Variants in CNTN3 observed in about 807,000 individuals in gnomAD.
CNTN3 encodes the protein contactin-3.
CNTN3 carries 60 observed loss-of-function variants against 119.1 expected under a neutral mutation model. The observed-to-expected ratio is 0.50, with a 90% CI of 0.41 to 0.62. The LOEUF is 0.62. Among genes scored for constraint, CNTN3 ranks in the 20% least tolerant of loss-of-function variants. The pLI, the probability that CNTN3 is intolerant of heterozygous loss-of-function variation, is 0.00. For synonymous variants in CNTN3, 450 were observed against 438.7 expected (o/e 1.03, Z -0.32); for missense variants, 1,101 against 1,242.4 (o/e 0.89, Z 1.71).
chr3:74,338,660 A>G (rs1703458459), intron 11 of CNTN3, among the ~76,000 whole-genome samples: 1 of 152,100 alleles, frequency 6.6e-6, no homozygotes, highest in Non-Finnish European at 1.5e-5. Flanking sequence ...TGAGAAAATC[A>G]TGGTGGAATT....
At chr3:74,394,940 T>C (rs1705008512) in intron 5 of CNTN3, among the ~76,000 whole-genome samples, 1 of 152,184 alleles carries the variant, frequency 6.6e-6, no homozygotes, top group Non-Finnish European at 1.5e-5. Flanking sequence ...TGTACATTAA[T>C]ATATGGAAAA....
intron 20 of CNTN3, among the ~76,000 whole-genome samples, chr3:74,280,945 A>G (rs531113938): frequency 6.6e-6 from 1 of 152,300 alleles, no homozygotes; most frequent in South Asian, 2.1e-4. Flanking sequence ...GTGATATCTG[A>G]GTGACAACGT....
chr3:74,589,804 G>T (rs1235121547), intron 1 of CNTN3, among the ~76,000 whole-genome samples: 1 of 151,724 alleles, frequency 6.6e-6, no homozygotes, highest in Non-Finnish European at 1.5e-5. Context: ...CATGTCCTTT[G>T]TAGGGACATG....
chr3:74,416,532 G>T (rs1701525136), intron 5 of CNTN3, among the ~76,000 whole-genome samples: 1 of 152,170 alleles, frequency 6.6e-6, no homozygotes, highest in Non-Finnish European at 1.5e-5. Context: ...GTGTATATGT[G>T]TGAGTGTGAT....
At chr3:74,445,965 C>T (rs370639110) in intron 4 of CNTN3, among the ~76,000 whole-genome samples, 22 of 152,234 alleles carry the variant, frequency 1.4e-4, no homozygotes, top group South Asian at 4.1e-4. Context: ...GGCACTTGTG[C>T]GGCACTTCAT....
chr3:74,472,553 A>T (rs918575114), intron 4 of CNTN3, among the ~76,000 whole-genome samples: 1 of 152,228 alleles, frequency 6.6e-6, no homozygotes, highest in Non-Finnish European at 1.5e-5. Context: ...AATATGTTTC[A>T]TTTATATGGA....
At chr3:74,455,207 T>C (rs1167531292) in intron 4 of CNTN3, among the ~76,000 whole-genome samples, 1 of 152,128 alleles carries the variant, frequency 6.6e-6, no homozygotes, top group South Asian at 2.1e-4. Context: ...TGTTCATTTC[T>C]ATTTTTTTTT....
chr3:74,441,391 C>T (rs1701963918), intron 4 of CNTN3, among the ~76,000 whole-genome samples: 1 of 152,080 alleles, frequency 6.6e-6, no homozygotes, highest in Non-Finnish European at 1.5e-5. Flanking sequence ...AGTAAACAAG[C>T]ATAAATCCAT....
intron 1 of CNTN3, among the ~76,000 whole-genome samples, chr3:74,611,016 G>T (rs1705070855): frequency 6.6e-6 from 1 of 152,072 alleles, no homozygotes; most frequent in African/African-American, 2.4e-5. Flanking sequence ...AAAGTCAAGG[G>T]ACTTAAAAAA....
At chr3:74,378,992 T>G (rs543907504) in intron 5 of CNTN3, among the ~76,000 whole-genome samples, 1 of 152,314 alleles carries the variant, frequency 6.6e-6, no homozygotes, top group African/African-American at 2.4e-5. Context: ...ATATGAGCTA[T>G]TTCTACTAGG....
At chr3:74,304,532 G>A (rs932990485) in intron 13 of CNTN3, among the ~76,000 whole-genome samples, 1 of 152,104 alleles carries the variant, frequency 6.6e-6, no homozygotes, top group Non-Finnish European at 1.5e-5. Flanking sequence ...TGCTTATTTT[G>A]AAGGCATCTG....
chr3:74,547,400 A>G (rs1425892811), intron 1 of CNTN3, among the ~76,000 whole-genome samples: 1 of 152,138 alleles, frequency 6.6e-6, no homozygotes. Context: ...TGACACCTTT[A>G]TTTATATGGG....
At chr3:74,319,212 A>G (rs1040254152) in intron 13 of CNTN3, among the ~76,000 whole-genome samples, 16 of 152,202 alleles carry the variant, frequency 1.1e-4, no homozygotes, top group Non-Finnish European at 2.1e-4. Flanking sequence ...CGCCAAGTCA[A>G]TCCTAACCCA....
At chr3:74,411,598 T>C (rs112211424) in intron 5 of CNTN3, among the ~76,000 whole-genome samples, 612 of 152,320 alleles carry the variant, frequency 4.0e-3, no homozygotes, top group African/African-American at 0.013. Flanking sequence ...TACTTTTCCA[T>C]GGGGCCTATT....
chr3:74,545,691 C>A (rs1432374058), intron 1 of CNTN3, among the ~76,000 whole-genome samples: 1 of 152,118 alleles, frequency 6.6e-6, no homozygotes, highest in Non-Finnish European at 1.5e-5. Flanking sequence ...AATTTACTTT[C>A]TTAGGGGTAC....
At chr3:74,557,058 T>C (rs1433633758) in intron 1 of CNTN3, among the ~76,000 whole-genome samples, 4 of 152,186 alleles carry the variant, frequency 2.6e-5, no homozygotes, top group East Asian at 3.9e-4. Context: ...ACATAATTTA[T>C]AAATATTTCA....
At chr3:74,447,729 T>C (rs1473279756) in intron 4 of CNTN3, among the ~76,000 whole-genome samples, 1 of 152,136 alleles carries the variant, frequency 6.6e-6, no homozygotes, top group African/African-American at 2.4e-5. Flanking sequence ...ACAAATGACA[T>C]AATATGCAGA....
intron 1 of CNTN3, among the ~76,000 whole-genome samples, chr3:74,595,770 A>G (rs1704796334): frequency 6.6e-6 from 1 of 152,142 alleles, no homozygotes. Context: ...TTCCCTTTGA[A>G]AACTGGCACA....
chr3:74,424,696 T>C (rs1701668203), intron 5 of CNTN3, 149 bp downstream of exon 5: 5 of 697,126 alleles, frequency 7.2e-6, no homozygotes, highest in Non-Finnish European at 1.3e-5. Flanking sequence ...TTTTGTAGTG[T>C]TCCTCATATT....
Sources: gnomAD v4.1 joint callset for allele counts (sites outside exome capture counted in the v4.1 genomes callset) on GRCh38, gnomAD v4.1.1 for gene constraint, MANE v1.5 for transcripts, NCBI Gene and HGNC (gene_info 2026-07-23, HGNC 2026-07-21) for gene names.